CAP2: variants seen among roughly 807,000 people sequenced by gnomAD.
CAP2 encodes cyclase associated actin cytoskeleton regulatory protein 2.
Under a neutral mutation model 57.7 loss-of-function variants are expected in CAP2, and 24 were observed. The observed-to-expected ratio is 0.42, with a 90% confidence interval of 0.30 to 0.58. The LOEUF is 0.58. CAP2 is among the 20% of genes least tolerant of loss of function. The pLI is 0.22. For synonymous variants in CAP2, 194 were observed against 207.2 expected, an observed-to-expected ratio of 0.94 and a Z score of 0.55; for missense variants, 501 against 590.3, an observed-to-expected ratio of 0.85 and a Z score of 1.57.
At chr6:17,479,635 A>G (rs186642355) in intron 4 of CAP2, among the ~76,000 whole-genome samples, 1,570 of 141,430 alleles carry the variant, frequency 0.011, 34 homozygotes, top group African/African-American at 0.04. Context: ...TTTTTGAGAC[A>G]GAGTCTCACT....
At chr6:17,428,398 G>C (rs543355781) in intron 3 of CAP2, among the ~76,000 whole-genome samples, 1 of 152,110 alleles carries the variant, frequency 6.6e-6, no homozygotes, top group South Asian at 2.1e-4. Flanking sequence ...TTTTTCTTTG[G>C]CCTTTGTTTC....
At chr6:17,519,653 T>C (rs1165543365) in intron 7 of CAP2, among the ~76,000 whole-genome samples, 1 of 152,172 alleles carries the variant, frequency 6.6e-6, no homozygotes, top group East Asian at 1.9e-4. Context: ...CACTGTTACT[T>C]AGGATCCCTC....
intron 7 of CAP2, among the ~76,000 whole-genome samples, chr6:17,514,924 G>A (rs115028623): frequency 1.3e-5 from 2 of 151,598 alleles, no homozygotes; most frequent in Admixed American, 1.3e-4. Flanking sequence ...CGTGATAGAG[G>A]CTGGGCACGG....
intron 3 of CAP2, among the ~76,000 whole-genome samples, chr6:17,434,211 CT>C (rs531110658): frequency 1.6e-4 from 24 of 149,590 alleles, no homozygotes; most frequent in African/African-American, 4.7e-4. Context: ...AATTTCTTTT[CT>C]TTTTTTTTCT....
At chr6:17,506,751 A>T (rs1342401909) in intron 4 of CAP2, among the ~76,000 whole-genome samples, 2 of 152,140 alleles carry the variant, frequency 1.3e-5, no homozygotes, top group Non-Finnish European at 2.9e-5. Context: ...TTTCCACAGG[A>T]ATAGGATGAA....
At chr6:17,495,887 A>G (rs974085668) in intron 4 of CAP2, among the ~76,000 whole-genome samples, 11 of 152,082 alleles carry the variant, frequency 7.2e-5, no homozygotes, top group Non-Finnish European at 1.6e-4. Flanking sequence ...AAGTGGGGAC[A>G]GGGCTGGCCA....
chr6:17,421,467 C>A, intron 1 of CAP2, 88 bp from the exon 2 acceptor site: 1 of 1,292,776 alleles, frequency 7.7e-7, no homozygotes, highest in Non-Finnish European at 1.1e-6. Context: ...TTGTGTCTTC[C>A]TCCTCGCTGT....
chr6:17,530,022 A>G (rs1762605653), intron 7 of CAP2, among the ~76,000 whole-genome samples: 1 of 151,680 alleles, frequency 6.6e-6, no homozygotes, highest in African/African-American at 2.4e-5. Context: ...GTTAGTCTCT[A>G]TAGTTGTAGC....
rs1761456329 is a variant in CAP2 at position 17,487,915 on chromosome 6, A to G, written c.301-19254A>G. Among the ~76,000 whole-genome samples the G allele has an allele frequency of 2.6e-5, 4 of 152,094 alleles. No individual in the cohort carries two copies. The South Asian group carries it at 8.3e-4, about 32-fold the overall frequency. ...CACCTCAGCCTGCCTAGTAGCTGGGACTACAGGTGTGTGCCACTATGCCTA... is the reference window on the plus strand; with the variant it reads ...CACCTCAGCCTGCCTAGTAGCTGGGGCTACAGGTGTGTGCCACTATGCCTA... On this transcript the variant is annotated intron_variant, in intron 4 of 12. Coordinates refer to ENST00000229922, the MANE Select transcript of CAP2 (RefSeq NM_006366.3).
At chr6:17,418,830 C>A (rs1201076479) in intron 1 of CAP2, among the ~76,000 whole-genome samples, 1 of 152,170 alleles carries the variant, frequency 6.6e-6, no homozygotes, top group Non-Finnish European at 1.5e-5. Flanking sequence ...ATACCCAGCT[C>A]CCTTGCAAGA....
At chr6:17,430,682 C>A (rs1171950491) in intron 3 of CAP2, among the ~76,000 whole-genome samples, 1 of 151,966 alleles carries the variant, frequency 6.6e-6, no homozygotes, top group Non-Finnish European at 1.5e-5. Context: ...GGGATTACAG[C>A]CGCACGCCAC....
intron 1 of CAP2, among the ~76,000 whole-genome samples, chr6:17,414,807 C>T (rs918421973): frequency 1.3e-5 from 2 of 152,148 alleles, no homozygotes; most frequent in African/African-American, 4.8e-5. Context: ...ATTTCTGGTT[C>T]TAGATCCTTG....
chr6:17,402,358 CA>C (rs199942504), intron 1 of CAP2, among the ~76,000 whole-genome samples: 1,570 of 151,898 alleles, frequency 0.01, 21 homozygotes, highest in Non-Finnish European at 0.017. Flanking sequence ...ATGGGGAGGA[CA>C]AAAAAGGGGG....
intron 1 of CAP2, among the ~76,000 whole-genome samples, chr6:17,411,064 G>C (rs1486608090): frequency 6.6e-6 from 1 of 152,086 alleles, no homozygotes; most frequent in Non-Finnish European, 1.5e-5. Context: ...CTTCTTGTCT[G>C]ACTTTCATTT....
chr6:17,413,506 T>C (rs1009664683), intron 1 of CAP2, among the ~76,000 whole-genome samples: 1 of 152,142 alleles, frequency 6.6e-6, no homozygotes, highest in African/African-American at 2.4e-5. Context: ...GCAGGAAATG[T>C]TTTTTAATCA....
chr6:17,424,434 TC>T (rs1162093352), intron 2 of CAP2, among the ~76,000 whole-genome samples: 1 of 152,094 alleles, frequency 6.6e-6, no homozygotes, highest in Non-Finnish European at 1.5e-5. Flanking sequence ...AGGAACATAA[TC>T]CCTTACAAAT....
intron 4 of CAP2, among the ~76,000 whole-genome samples, chr6:17,505,900 T>G (rs1382685705): frequency 2.0e-5 from 3 of 152,102 alleles, no homozygotes; most frequent in East Asian, 3.9e-4. Flanking sequence ...TTTTACTTAT[T>G]TACATATTTT....
chr6:17,410,715 G>T (rs1354928069), intron 1 of CAP2, among the ~76,000 whole-genome samples: 2 of 151,830 alleles, frequency 1.3e-5, no homozygotes, highest in Non-Finnish European at 2.9e-5. Flanking sequence ...CCGCCACCAC[G>T]CCTGGTCAAC....
intron 4 of CAP2, among the ~76,000 whole-genome samples, chr6:17,473,841 C>T (rs561629734): frequency 2.2e-4 from 33 of 152,264 alleles, no homozygotes; most frequent in Non-Finnish European, 4.3e-4. Context: ...CCAGTGAGGG[C>T]TCGATTGAAG....
Sources: gnomAD v4.1 joint callset for allele counts (sites outside exome capture counted in the v4.1 genomes callset) on GRCh38, gnomAD v4.1.1 for gene constraint, MANE v1.5 for transcripts, NCBI Gene and HGNC (gene_info 2026-07-23, HGNC 2026-07-21) for gene names.